DCLK1: variants seen among roughly 807,000 people sequenced by gnomAD.
The protein encoded by DCLK1 is serine/threonine-protein kinase DCLK1.
Under a neutral mutation model 86.2 loss-of-function variants are expected in DCLK1, and 16 were observed. The observed-to-expected ratio is 0.19, with a 90% CI of 0.13 to 0.28. DCLK1 has a LOEUF of 0.28. Ranked by LOEUF, DCLK1 falls within the 10% of genes least tolerant of loss-of-function variation. The probability of loss-of-function intolerance (pLI) is 1.00; values close to 1 mark genes in which losing one functional copy is unlikely to be tolerated. For synonymous variants in DCLK1, 369 were observed against 370.5 expected (o/e 1.00, Z 0.05); for missense variants, 590 against 940.2 (o/e 0.63, Z 4.87).
At chr13:36,045,291 A>C in intron 3 of DCLK1, among the ~76,000 whole-genome samples, 1 of 135,798 alleles carries the variant, frequency 7.4e-6, no homozygotes, top group Non-Finnish European at 1.6e-5. Context: ...TATATATAAT[A>C]ATCGTCTAAT....
chr13:35,826,564 A>AGGGAGGGAGGGAGGGAGGGAGGGAGGG (rs1301930448), intron 10 of DCLK1, among the ~76,000 whole-genome samples: 3 of 46,038 alleles, frequency 6.5e-5, no homozygotes, highest in Non-Finnish European at 1.1e-4. Flanking sequence ...AGAAAGAAAC[A>AGGGAGGGAGGGAGGGAGGGAGGGAGGG]AGTCCTAATT....
chr13:36,130,751 G>A (rs1236138416), intron 1 of DCLK1, among the ~76,000 whole-genome samples: 2 of 152,114 alleles, frequency 1.3e-5, no homozygotes, highest in Non-Finnish European at 2.9e-5. Flanking sequence ...CCGCTCCGCA[G>A]CCAGTTCTGA....
chr13:35,778,178 C>T (rs944323029), intron 16 of DCLK1, among the ~76,000 whole-genome samples: 1 of 152,224 alleles, frequency 6.6e-6, no homozygotes, highest in Non-Finnish European at 1.5e-5. Flanking sequence ...GGAGCACCCA[C>T]CTTCCGGTCC....
chr13:36,017,639 T>A (rs1881591082), intron 3 of DCLK1, among the ~76,000 whole-genome samples: 1 of 152,204 alleles, frequency 6.6e-6, no homozygotes, highest in South Asian at 2.1e-4. Context: ...CTGAAACTAG[T>A]CATTAATATG....
At chr13:36,099,102 G>GT (rs1179077972) in intron 3 of DCLK1, among the ~76,000 whole-genome samples, 2 of 151,924 alleles carry the variant, frequency 1.3e-5, no homozygotes, top group Non-Finnish European at 1.5e-5. Flanking sequence ...TGAGTAGCTG[G>GT]TATTACAGGT....
At chr13:36,058,577 G>A (rs951717003) in intron 3 of DCLK1, among the ~76,000 whole-genome samples, 5 of 152,112 alleles carry the variant, frequency 3.3e-5, no homozygotes, top group African/African-American at 1.2e-4. Context: ...ACAGCTATAA[G>A]AAACATCTAA....
chr13:35,785,349 A>C (rs944172844), intron 16 of DCLK1, among the ~76,000 whole-genome samples: 1 of 152,184 alleles, frequency 6.6e-6, no homozygotes, highest in East Asian at 1.9e-4. Flanking sequence ...CGGGATGCAA[A>C]TGTTCTCCAG....
intron 3 of DCLK1, among the ~76,000 whole-genome samples, chr13:35,989,711 C>CTTTTTTTT (rs567228278): frequency 3.0e-5 from 4 of 134,222 alleles, no homozygotes; most frequent in Non-Finnish European, 3.1e-5. Flanking sequence ...GGCTAATTGG[C>CTTTTTTTT]TTTTTTTTTT....
chr13:35,824,523 G>C (rs144486846), intron 10 of DCLK1, among the ~76,000 whole-genome samples: 1 of 151,842 alleles, frequency 6.6e-6, no homozygotes, highest in Non-Finnish European at 1.5e-5. Context: ...AGGTCTTATC[G>C]GTCCTTTCTT....
intron 3 of DCLK1, among the ~76,000 whole-genome samples, chr13:36,022,106 G>T (rs565636872): frequency 6.6e-6 from 1 of 152,034 alleles, no homozygotes; most frequent in Non-Finnish European, 1.5e-5. Flanking sequence ...AATGAAATTA[G>T]AAATTAATAA....
chr13:36,128,545 G>A (rs533530083), intron 1 of DCLK1, among the ~76,000 whole-genome samples: 18 of 152,268 alleles, frequency 1.2e-4, no homozygotes, highest in African/African-American at 4.1e-4. Context: ...GGAAGCAGTG[G>A]TCAGCAGGCC....
At chr13:36,017,881 T>A (rs575610088) in intron 3 of DCLK1, among the ~76,000 whole-genome samples, 1 of 152,176 alleles carries the variant, frequency 6.6e-6, no homozygotes, top group Non-Finnish European at 1.5e-5. Flanking sequence ...CTTCCAACAC[T>A]GACCTCTGCC....
At chr13:35,917,202 C>G (rs537908063) in intron 4 of DCLK1, among the ~76,000 whole-genome samples, 1 of 152,184 alleles carries the variant, frequency 6.6e-6, no homozygotes, top group Non-Finnish European at 1.5e-5. Flanking sequence ...TGAAAACTCT[C>G]GTGTCACACG....
At chr13:35,783,783 A>C (rs975429609) in intron 16 of DCLK1, among the ~76,000 whole-genome samples, 1 of 151,984 alleles carries the variant, frequency 6.6e-6, no homozygotes, top group African/African-American at 2.4e-5. Context: ...ACGGGGTTTC[A>C]CCATGTTGGC....
intron 3 of DCLK1, among the ~76,000 whole-genome samples, chr13:35,968,141 C>G (rs564488035): frequency 6.6e-6 from 1 of 152,160 alleles, no homozygotes; most frequent in Admixed American, 6.5e-5. Context: ...TCACAAAAGA[C>G]AAATATTGTA....
At chr13:35,937,496 C>A (rs1054399195) in intron 4 of DCLK1, among the ~76,000 whole-genome samples, 1 of 152,106 alleles carries the variant, frequency 6.6e-6, no homozygotes, top group African/African-American at 2.4e-5. Context: ...GGGGACTCAC[C>A]ACATGCTACA....
intron 6 of DCLK1, among the ~76,000 whole-genome samples, chr13:35,851,544 A>G (rs1184752383): frequency 1.3e-5 from 2 of 152,076 alleles, no homozygotes; most frequent in African/African-American, 4.8e-5. Flanking sequence ...GTGGGAGTAT[A>G]ATGGGGAGCT....
intron 6 of DCLK1, chr13:35,847,447 C>G: frequency 2.0e-6 from 2 of 985,026 alleles, no homozygotes; most frequent in Non-Finnish European, 2.4e-6. Flanking sequence ...CACATACACA[C>G]CAAGCCTGGC....
chr13:36,040,680 T>C (rs1031604564), intron 3 of DCLK1, among the ~76,000 whole-genome samples: 17 of 152,172 alleles, frequency 1.1e-4, no homozygotes, highest in African/African-American at 3.6e-4. Context: ...TGGGGAGTTA[T>C]GTTCCACTTC....
Sources: gnomAD v4.1 joint callset for allele counts (sites outside exome capture counted in the v4.1 genomes callset) on GRCh38, gnomAD v4.1.1 for gene constraint, MANE v1.5 for transcripts, NCBI Gene and HGNC (gene_info 2026-07-23, HGNC 2026-07-21) for gene names.